GRID1: variants seen among roughly 807,000 people sequenced by gnomAD.
GRID1 encodes glutamate ionotropic receptor delta type subunit 1, also known as glutamate receptor ionotropic, delta-1.
Under a neutral mutation model 98.0 loss-of-function variants are expected in GRID1, and 28 were observed. That is an observed-to-expected ratio of 0.29 (90% CI 0.21 to 0.39). The LOEUF (loss-of-function observed/expected upper bound fraction) is 0.39. Among genes scored for constraint, GRID1 ranks in the 10% least tolerant of loss-of-function variants. The pLI is 1.00. For synonymous variants in GRID1, 553 were observed against 538.5 expected (o/e 1.03, Z -0.37); for missense variants, 1,111 against 1,340.5 (o/e 0.83, Z 2.67).
intron 4 of GRID1, among the ~76,000 whole-genome samples, chr10:86,119,196 A>C (rs1300587045): frequency 6.6e-6 from 1 of 152,088 alleles, no homozygotes; most frequent in Non-Finnish European, 1.5e-5. Flanking sequence ...TTATCCGGGC[A>C]TGGTGGTGTG....
chr10:85,972,928 T>C (rs1225440339), intron 4 of GRID1, among the ~76,000 whole-genome samples: 1 of 152,180 alleles, frequency 6.6e-6, no homozygotes, highest in African/African-American at 2.4e-5. Context: ...CTATAATAGA[T>C]ATAATAGATA....
At chr10:86,021,890 T>C (rs1843054253) in intron 4 of GRID1, among the ~76,000 whole-genome samples, 1 of 152,176 alleles carries the variant, frequency 6.6e-6, no homozygotes, top group African/African-American at 2.4e-5. Context: ...TACTAGCTCT[T>C]AGTCAGCTGA....
chr10:85,870,549 T>C (rs534316047), intron 5 of GRID1, among the ~76,000 whole-genome samples: 2 of 152,342 alleles, frequency 1.3e-5, no homozygotes, highest in South Asian at 4.1e-4. Context: ...ACAGATTTTG[T>C]TTCTGGCTAA....
At chr10:86,135,540 T>C (rs1844911375) in intron 4 of GRID1, among the ~76,000 whole-genome samples, 1 of 151,982 alleles carries the variant, frequency 6.6e-6, no homozygotes, top group Non-Finnish European at 1.5e-5. Flanking sequence ...ACTAAGATGG[T>C]GCTGAGGAGG....
At chr10:85,742,442 A>G (rs1841953713) in intron 8 of GRID1, among the ~76,000 whole-genome samples, 1 of 152,106 alleles carries the variant, frequency 6.6e-6, no homozygotes. Context: ...CCTTTATTAT[A>G]TTGTTCCCAC....
rs150443148 is a variant in GRID1, at chr10:85,935,485, G to T, written c.727-19246C>A. 3.2e-3 allele frequency among the ~76,000 whole-genome samples: 488 copies of T among 152,312 alleles called. 2 individuals carry two copies. Among genetic ancestry groups the T allele is most frequent in the African/African-American group, 0.011 (457 of 41,556 alleles). ...GGGCCAGTATACACGCAGAGTATCAGCCTGACCCTCCACATGCCTCAGAGC... is the reference window on the plus strand; with the variant it reads ...GGGCCAGTATACACGCAGAGTATCATCCTGACCCTCCACATGCCTCAGAGC... On this transcript the variant is annotated intron_variant, in intron 4 of 15. Coordinates refer to ENST00000327946, the MANE Select transcript of GRID1 (RefSeq NM_017551.3).
chr10:86,061,320 G>A (rs1843645542), intron 4 of GRID1, among the ~76,000 whole-genome samples: 1 of 152,130 alleles, frequency 6.6e-6, no homozygotes, highest in African/African-American at 2.4e-5. Flanking sequence ...AATCCCTCAA[G>A]CCTTGGCCTG....
At chr10:85,636,706 A>T (rs993493434) in intron 13 of GRID1, among the ~76,000 whole-genome samples, 1 of 152,192 alleles carries the variant, frequency 6.6e-6, no homozygotes, top group Non-Finnish European at 1.5e-5. Context: ...TTTATTTTTT[A>T]AATCTTAAGA....
rs913398982 is a variant in GRID1, at chr10:85,753,361, A to C, written c.1234-23747T>G. ...AGACAGTGAGGGCACTGTCAAGCAC[A>C]CAGCAGGCAAGGCCAGGACCAAGGC... On this transcript the variant is annotated intron_variant, in intron 8 of 15. Coordinates refer to ENST00000327946, the MANE Select transcript of GRID1 (RefSeq NM_017551.3). 4.6e-5 allele frequency among the ~76,000 whole-genome samples: 7 copies of C among 152,234 alleles called. No homozygotes were observed. The South Asian group carries it at 1.0e-3, about 23-fold the overall frequency.
Position 86,240,948 on chromosome 10 carries a change from A to C in GRID1, c.236-34300T>G, listed in dbSNP as rs565787345. Among the ~76,000 whole-genome samples, 8 of 152,342 alleles carry C rather than the reference A, an allele frequency of 5.3e-5. No homozygotes were observed. In the South Asian group the frequency reaches 1.7e-3, roughly 32 times the overall value. On this transcript the variant is annotated intron_variant, in intron 2 of 15. Coordinates refer to ENST00000327946, the MANE Select transcript of GRID1 (RefSeq NM_017551.3). ...AGGTGTCCCTGCCAGGCTGGGTCAG[A>C]GCCCCTGAGAAGGCCCCACTGGCCC...
intron 2 of GRID1, among the ~76,000 whole-genome samples, chr10:86,225,961 C>A (rs966176549): frequency 2.0e-5 from 3 of 152,102 alleles, no homozygotes; most frequent in Non-Finnish European, 4.4e-5. Context: ...GAGCTGGGGG[C>A]CTCATGGGGA....
intron 4 of GRID1, among the ~76,000 whole-genome samples, chr10:85,978,633 C>T (rs925042670): frequency 4.6e-5 from 7 of 152,138 alleles, no homozygotes; most frequent in African/African-American, 1.7e-4. Context: ...AAAGCTAACA[C>T]TTCTTGAATG....
At chr10:85,875,183 GT>G (rs1418509319) in intron 5 of GRID1, among the ~76,000 whole-genome samples, 3 of 152,006 alleles carry the variant, frequency 2.0e-5, no homozygotes, top group South Asian at 2.1e-4. Flanking sequence ...TGGCCAGGGG[GT>G]TTTTTTATTC....
intron 8 of GRID1, among the ~76,000 whole-genome samples, chr10:85,762,966 A>T (rs1842160786): frequency 6.6e-6 from 1 of 152,184 alleles, no homozygotes; most frequent in Non-Finnish European, 1.5e-5. Context: ...TAAGACTACA[A>T]ACCCCACACT....
intron 2 of GRID1, among the ~76,000 whole-genome samples, chr10:86,358,476 G>A (rs965042104): frequency 1.3e-5 from 2 of 152,084 alleles, no homozygotes; most frequent in South Asian, 2.1e-4. Context: ...AAAATAGGGA[G>A]GGCCGGGCAC....
chr10:85,779,122 G>GT (rs752287354), intron 8 of GRID1, among the ~76,000 whole-genome samples: 36 of 152,292 alleles, frequency 2.4e-4, no homozygotes, highest in South Asian at 1.2e-3. Context: ...CCAAGCTGCT[G>GT]TTGGAGAAAA....
At chr10:85,882,513 A>G (rs1313150096) in intron 5 of GRID1, among the ~76,000 whole-genome samples, 1 of 152,182 alleles carries the variant, frequency 6.6e-6, no homozygotes, top group African/African-American at 2.4e-5. Context: ...TCAGCAAACT[A>G]TCGCAAGGAC....
intron 2 of GRID1, among the ~76,000 whole-genome samples, chr10:86,222,145 T>A (rs912436958): frequency 6.6e-6 from 1 of 152,150 alleles, no homozygotes; most frequent in African/African-American, 2.4e-5. Flanking sequence ...CATGGCATCC[T>A]CCCAGGCCTA....
At chr10:86,128,192 C>A (rs925481765) in intron 4 of GRID1, among the ~76,000 whole-genome samples, 1 of 152,076 alleles carries the variant, frequency 6.6e-6, no homozygotes, top group Non-Finnish European at 1.5e-5. Context: ...GGAGAATGGG[C>A]AGAATGGGTG....
Sources: allele counts gnomAD v4.1 joint callset (sites outside exome capture counted in the v4.1 genomes callset), GRCh38; gene constraint gnomAD v4.1.1; transcripts MANE v1.5; gene names NCBI Gene and HGNC (gene_info 2026-07-23, HGNC 2026-07-21).